Variants in TSHZ2 observed in about 807,000 individuals in gnomAD.
The protein encoded by TSHZ2 is teashirt homolog 2.
Under a neutral mutation model 74.4 loss-of-function variants are expected in TSHZ2, and 21 were observed. That is an observed-to-expected ratio of 0.28 (90% CI 0.20 to 0.41). The LOEUF (loss-of-function observed/expected upper bound fraction) is 0.41. Among genes scored for constraint, TSHZ2 ranks in the 10% least tolerant of loss-of-function variants. TSHZ2 has a pLI of 1.00. For synonymous variants in TSHZ2, 540 were observed against 515.3 expected (o/e 1.05, Z -0.65); for missense variants, 1,244 against 1,293.5 (o/e 0.96, Z 0.59).
At chr20:53,172,031 A>G (rs1041231924) in intron 1 of TSHZ2, among the ~76,000 whole-genome samples, 14 of 152,224 alleles carry the variant, frequency 9.2e-5, no homozygotes, top group African/African-American at 1.7e-4. Context: ...ACGAGGAAAA[A>G]AAATGATTGT....
intron 2 of TSHZ2, among the ~76,000 whole-genome samples, chr20:53,289,592 T>A (rs531658774): frequency 6.6e-6 from 1 of 152,372 alleles, no homozygotes; most frequent in African/African-American, 2.4e-5. Flanking sequence ...TCCGTATGTT[T>A]GTTGGCCATT....
chr20:53,163,450 TA>T (rs1426527980), intron 1 of TSHZ2, among the ~76,000 whole-genome samples: 67 of 146,614 alleles, frequency 4.6e-4, no homozygotes, highest in African/African-American at 1.3e-3. Flanking sequence ...TATTTTATTT[TA>T]TTTTATTTTT....
intron 2 of TSHZ2, among the ~76,000 whole-genome samples, chr20:53,402,463 T>C (rs1237295349): frequency 2.0e-5 from 3 of 152,172 alleles, no homozygotes; most frequent in Non-Finnish European, 4.4e-5. Flanking sequence ...CCTAGGTGTG[T>C]AGGAGGCTAT....
intron 2 of TSHZ2, among the ~76,000 whole-genome samples, chr20:53,341,255 G>A (rs141846965): frequency 6.0e-4 from 91 of 152,226 alleles, no homozygotes; most frequent in African/African-American, 2.1e-3. Context: ...GCCTTCCAGA[G>A]CATTTGCTGA....
intron 1 of TSHZ2, among the ~76,000 whole-genome samples, chr20:53,137,916 T>G (rs1987287774): frequency 6.6e-6 from 1 of 152,178 alleles, no homozygotes; most frequent in Non-Finnish European, 1.5e-5. Flanking sequence ...GAGCTATCTT[T>G]AAAAAATAAA....
chr20:53,178,060 T>G (rs1383694569), intron 1 of TSHZ2: 1 of 152,258 alleles, frequency 6.6e-6, no homozygotes, highest in Non-Finnish European at 1.5e-5. Flanking sequence ...CACACATCAC[T>G]GCTGCTCTCT....
In TSHZ2 at chr20:53,475,832, C is replaced by A. The variant is rs1308530692; in HGVS notation, c.*9-11312C>A. On this transcript the variant is annotated intron_variant, in intron 2 of 2. Transcript: ENST00000371497. ...TAAAAAATGACAAAGGGGATATCAC[C>A]ACCGATCCCACAGAAATACAAACTA... Among the ~76,000 whole-genome samples, 3 of 136,220 alleles carry A rather than the reference C, an allele frequency of 2.2e-5. 1 individual carries two copies. The allele number at this position is 136,220 out of a possible 152,430, so 89.4% of individuals were successfully genotyped here. A position where few individuals can be genotyped will look rare whatever the true frequency, so the allele number is the denominator to read the frequency against.
At chr20:53,429,685 T>G (rs939002331) in intron 2 of TSHZ2, among the ~76,000 whole-genome samples, 1 of 152,232 alleles carries the variant, frequency 6.6e-6, no homozygotes, top group African/African-American at 2.4e-5. Context: ...ACACATCTCT[T>G]GTCAGGAGAA....
At position 53,154,133 on chromosome 20, in the gene TSHZ2, C is replaced by A. The variant is rs143880633; in HGVS notation, c.41-99366C>A. Among the ~76,000 whole-genome samples, 12 of 152,246 alleles carry A rather than the reference C, an allele frequency of 7.9e-5. No individual in the cohort carries two copies. In the East Asian group the frequency reaches 2.3e-3, roughly 29 times the overall value. ...AGTCACATGGCAAAATGTGTGCATACAAACAAGGCCAATTTACCAGCAATC... is the reference window on the plus strand; with the variant it reads ...AGTCACATGGCAAAATGTGTGCATAAAAACAAGGCCAATTTACCAGCAATC... On this transcript the variant is annotated intron_variant, in intron 1 of 2. Transcript: ENST00000371497.
At chr20:53,157,707 C>T (rs1367996342) in intron 1 of TSHZ2, among the ~76,000 whole-genome samples, 1 of 152,130 alleles carries the variant, frequency 6.6e-6, no homozygotes, top group Non-Finnish European at 1.5e-5. Flanking sequence ...AACATATTTA[C>T]TCTATTTGAT....
chr20:53,022,592 C>G (rs1004026257), intron 1 of TSHZ2, among the ~76,000 whole-genome samples: 1 of 151,042 alleles, frequency 6.6e-6, no homozygotes, highest in African/African-American at 2.5e-5. Context: ...ACCGTTTGCT[C>G]AAGTCTGAAT....
At chr20:53,083,623 TCTGTCATTGTTACCAG>T (rs1244490374) in intron 1 of TSHZ2, among the ~76,000 whole-genome samples, 1 of 152,260 alleles carries the variant, frequency 6.6e-6, no homozygotes, top group Non-Finnish European at 1.5e-5. Flanking sequence ...CAAACCTTAG[TCTGTCATTGTTACCAG>T]CTGTGAGACA....
chr20:53,276,216 A>G (rs1377871399), intron 2 of TSHZ2, among the ~76,000 whole-genome samples: 3 of 150,826 alleles, frequency 2.0e-5, no homozygotes. Context: ...GTCTAAAGCT[A>G]GGATTTAGCT....
intron 2 of TSHZ2, among the ~76,000 whole-genome samples, chr20:53,455,744 T>C (rs1469830774): frequency 6.6e-6 from 1 of 150,766 alleles, no homozygotes; most frequent in African/African-American, 2.4e-5. Flanking sequence ...CAGAGTGTGA[T>C]GTTCCCCTTC....
At chr20:52,975,307 A>T (rs1322753223) in intron 1 of TSHZ2, among the ~76,000 whole-genome samples, 3 of 152,102 alleles carry the variant, frequency 2.0e-5, no homozygotes, top group African/African-American at 7.2e-5. Flanking sequence ...CAGTAATTTA[A>T]ATTACCAGAA....
intron 1 of TSHZ2, among the ~76,000 whole-genome samples, chr20:53,017,407 CA>C (rs1230524890): frequency 6.6e-6 from 1 of 152,136 alleles, no homozygotes; most frequent in Non-Finnish European, 1.5e-5. Context: ...TGGTGTTTCA[CA>C]ACATGATTTT....
At chr20:52,973,373 C>T (rs1233727178) in intron 1 of TSHZ2, 40 bp downstream of exon 1, 2 of 1,548,476 alleles carry the variant, frequency 1.3e-6, no homozygotes, top group East Asian at 2.5e-5. Flanking sequence ...CCCTGTGCGC[C>T]GAGCTCCTCG....
intron 1 of TSHZ2, among the ~76,000 whole-genome samples, chr20:53,052,335 C>T (rs569973816): frequency 6.6e-6 from 1 of 152,310 alleles, no homozygotes; most frequent in South Asian, 2.1e-4. Context: ...CCAGGCTCCA[C>T]AGCAGGAAGT....
At chr20:53,151,730 T>A (rs539738358) in intron 1 of TSHZ2, among the ~76,000 whole-genome samples, 1 of 152,290 alleles carries the variant, frequency 6.6e-6, no homozygotes, top group East Asian at 1.9e-4. Context: ...GATTGTGAAC[T>A]AGGGTAAATG....
Sources: gnomAD v4.1 joint callset for allele counts (sites outside exome capture counted in the v4.1 genomes callset) on GRCh38, gnomAD v4.1.1 for gene constraint, MANE v1.5 for transcripts, NCBI Gene and HGNC (gene_info 2026-07-23, HGNC 2026-07-21) for gene names.